NPAS3: variants seen among roughly 807,000 people sequenced by gnomAD.
NPAS3 encodes neuronal PAS domain-containing protein 3.
A neutral mutation model predicts 73.1 loss-of-function variants in NPAS3; 14 were observed. That is an observed-to-expected ratio of 0.19 (90% confidence interval 0.13 to 0.30). The LOEUF (loss-of-function observed/expected upper bound fraction) is 0.30, where lower values mean the gene tolerates loss of function less well. Ranked by LOEUF, NPAS3 falls within the 10% of genes least tolerant of loss-of-function variation. The pLI, the probability that NPAS3 is intolerant of heterozygous loss-of-function variation, is 1.00. For synonymous variants in NPAS3, 620 were observed against 541.5 expected (o/e 1.14, Z -2.01); for missense variants, 1,096 against 1,250.0 (o/e 0.88, Z 1.86).
intron 3 of NPAS3, among the ~76,000 whole-genome samples, chr14:33,287,253 T>C (rs929836878): frequency 6.6e-6 from 1 of 152,182 alleles, no homozygotes; most frequent in Non-Finnish European, 1.5e-5. Context: ...ATTTTGTTGT[T>C]AAACATGAAG....
At chr14:33,651,276 G>A (rs927853168) in intron 5 of NPAS3, among the ~76,000 whole-genome samples, 2 of 152,152 alleles carry the variant, frequency 1.3e-5, no homozygotes, top group African/African-American at 2.4e-5. Flanking sequence ...TTGGTTGTAT[G>A]TCCACTTTTC....
chr14:33,114,066 T>G (rs2042982936), intron 2 of NPAS3, among the ~76,000 whole-genome samples: 1 of 152,114 alleles, frequency 6.6e-6, no homozygotes, highest in Admixed American at 6.6e-5. Context: ...GACAGAGTCT[T>G]GCTCTATTGG....
chr14:33,394,359 T>C (rs1243454662), intron 4 of NPAS3, among the ~76,000 whole-genome samples: 1 of 152,202 alleles, frequency 6.6e-6, no homozygotes, highest in Non-Finnish European at 1.5e-5. Flanking sequence ...GCACGGTATA[T>C]ATTTCTTTTC....
intron 8 of NPAS3, among the ~76,000 whole-genome samples, chr14:33,777,186 T>C (rs1037772167): frequency 2.0e-5 from 3 of 152,166 alleles, no homozygotes; most frequent in African/African-American, 7.2e-5. Flanking sequence ...ATGACATCCT[T>C]GTTCCCTCAT....
At chr14:33,142,412 G>T (rs1438334762) in intron 2 of NPAS3, among the ~76,000 whole-genome samples, 1 of 151,528 alleles carries the variant, frequency 6.6e-6, no homozygotes, top group African/African-American at 2.4e-5. Flanking sequence ...GCATATAGTG[G>T]GTTCTAAAAG....
chr14:33,439,226 TAG>T (rs1238188803), intron 4 of NPAS3, among the ~76,000 whole-genome samples: 7 of 152,186 alleles, frequency 4.6e-5, no homozygotes, highest in Admixed American at 6.5e-5. Flanking sequence ...AAAGCTATGA[TAG>T]AGAGAGACTA....
At chr14:33,106,550 A>G (rs1447705467) in intron 2 of NPAS3, among the ~76,000 whole-genome samples, 1 of 152,206 alleles carries the variant, frequency 6.6e-6, no homozygotes, top group African/African-American at 2.4e-5. Context: ...TGGTTGACTA[A>G]TCAGTTGAAC....
chr14:33,474,705 G>A (rs895339649), intron 4 of NPAS3, among the ~76,000 whole-genome samples: 13 of 152,104 alleles, frequency 8.5e-5, no homozygotes, highest in African/African-American at 3.1e-4. Flanking sequence ...GAATGATTAG[G>A]AAGTTAAACT....
chr14:33,694,869 A>T (rs2060331201), intron 6 of NPAS3, among the ~76,000 whole-genome samples: 1 of 152,170 alleles, frequency 6.6e-6, no homozygotes, highest in Non-Finnish European at 1.5e-5. Flanking sequence ...TTTCCAGATC[A>T]TTTAATTCTC....
intron 4 of NPAS3, among the ~76,000 whole-genome samples, chr14:33,454,472 A>ATGT (rs1254024683): frequency 1.2e-4 from 19 of 152,236 alleles, no homozygotes; most frequent in Admixed American, 1.2e-3. Context: ...AGTATAAAAC[A>ATGT]TGTTACTCCA....
chr14:33,644,907 C>T (rs1244378525), intron 5 of NPAS3, among the ~76,000 whole-genome samples: 1 of 151,890 alleles, frequency 6.6e-6, no homozygotes. Flanking sequence ...ATGGTGAAAC[C>T]TCGTCTTTAC....
upstream of NPAS3, among the ~76,000 whole-genome samples, chr14:32,936,680 C>T (rs141186856): frequency 3.9e-5 from 6 of 152,124 alleles, no homozygotes; most frequent in Middle Eastern, 3.4e-3. Context: ...CTAACTTATA[C>T]CATATAAATT....
chr14:33,696,653 C>G (rs1034335151), intron 6 of NPAS3, among the ~76,000 whole-genome samples: 3 of 152,234 alleles, frequency 2.0e-5, no homozygotes, highest in African/African-American at 7.2e-5. Context: ...TTAGATTATC[C>G]GATGAAATTC....
chr14:33,519,735 A>G (rs1423281544), intron 4 of NPAS3, among the ~76,000 whole-genome samples: 8 of 152,152 alleles, frequency 5.3e-5, no homozygotes, highest in Non-Finnish European at 2.9e-5. Context: ...CCTCACAAAT[A>G]CAACACACGT....
chr14:33,769,965 A>G (rs11848395), intron 7 of NPAS3, among the ~76,000 whole-genome samples: 13 of 151,338 alleles, frequency 8.6e-5, no homozygotes, highest in African/African-American at 2.4e-4. Context: ...GAGTCTCCCT[A>G]TGTTGCCCAA....
At chr14:33,777,941 G>A (rs1437540858) in intron 8 of NPAS3, among the ~76,000 whole-genome samples, 1 of 152,158 alleles carries the variant, frequency 6.6e-6, no homozygotes, top group Non-Finnish European at 1.5e-5. Context: ...AATACCCCCA[G>A]GCATCTGTAT....
chr14:33,238,435 A>G (rs1262147555), intron 3 of NPAS3, among the ~76,000 whole-genome samples: 1 of 152,054 alleles, frequency 6.6e-6, no homozygotes, highest in Non-Finnish European at 1.5e-5. Context: ...TCTTCTGAAT[A>G]AACTATTGCT....
chr14:33,296,870 C>A (rs1594626907), intron 3 of NPAS3, among the ~76,000 whole-genome samples: 1 of 152,134 alleles, frequency 6.6e-6, no homozygotes, highest in Non-Finnish European at 1.5e-5. Context: ...CTTTTCTGTT[C>A]AAGCTGATGA....
chr14:33,274,620 G>A (rs769862029), intron 3 of NPAS3, among the ~76,000 whole-genome samples: 25 of 152,102 alleles, frequency 1.6e-4, no homozygotes, highest in Admixed American at 5.9e-4. Context: ...TTGACTTAAA[G>A]CATTACCTAA....
Sources: allele counts gnomAD v4.1 joint callset (sites outside exome capture counted in the v4.1 genomes callset), GRCh38; gene constraint gnomAD v4.1.1; transcripts MANE v1.5; gene names NCBI Gene and HGNC (gene_info 2026-07-23, HGNC 2026-07-21).